The following PKHD1 variants were observed in gnomAD, a reference collection of about 807,000 sequenced individuals.
PKHD1 encodes fibrocystin.
A neutral mutation model predicts 412.0 loss-of-function variants in PKHD1; 291 were observed. The ratio of observed to expected loss-of-function variants is 0.71; its 90% CI spans 0.64 to 0.78. The LOEUF is 0.78. Ranked by LOEUF, PKHD1 falls within the 30% of genes least tolerant of loss-of-function variation. The pLI, the probability that PKHD1 is intolerant of heterozygous loss-of-function variation, is 0.00. For synonymous variants in PKHD1, 1,777 were observed against 1,821.5 expected, an observed-to-expected ratio of 0.98 and a Z score of 0.62; for missense variants, 4,825 against 4,950.7, an observed-to-expected ratio of 0.97 and a Z score of 0.76.
At chr6:51,898,894 G>A (rs1393214550) in intron 43 of PKHD1, among the ~76,000 whole-genome samples, 2 of 152,076 alleles carry the variant, frequency 1.3e-5, no homozygotes, top group Non-Finnish European at 2.9e-5. Context: ...ACACCTCTAC[G>A]CAAATAAACT....
chr6:51,840,654 A>G (rs1056777780), intron 50 of PKHD1, among the ~76,000 whole-genome samples: 5 of 152,216 alleles, frequency 3.3e-5, no homozygotes, highest in Non-Finnish European at 5.9e-5. Context: ...CTGTTTACAC[A>G]GGAGGCAAAA....
At chr6:52,016,548 G>A (rs757193469) in intron 34 of PKHD1, among the ~76,000 whole-genome samples, 8 of 149,220 alleles carry the variant, frequency 5.4e-5, no homozygotes, top group Non-Finnish European at 1.0e-4. Context: ...AGGCATGAGA[G>A]TACCTTGAAC....
intron 52 of PKHD1, among the ~76,000 whole-genome samples, chr6:51,793,233 C>T (rs1222675061): frequency 6.6e-6 from 1 of 152,056 alleles, no homozygotes; most frequent in African/African-American, 2.4e-5. Context: ...GAGTGAAGTA[C>T]CTAGAGAATG....
intron 49 of PKHD1, among the ~76,000 whole-genome samples, chr6:51,854,084 A>G (rs1374719628): frequency 1.3e-5 from 2 of 151,468 alleles, no homozygotes; most frequent in East Asian, 3.9e-4. Flanking sequence ...GAGGCTGTTG[A>G]CCCTTGGATA....
At chr6:51,716,103 C>G (rs1781227088) in intron 60 of PKHD1, among the ~76,000 whole-genome samples, 1 of 152,160 alleles carries the variant, frequency 6.6e-6, no homozygotes, top group Admixed American at 6.5e-5. Flanking sequence ...ATTATTTCTG[C>G]AGTTCTTTTG....
Position 51,659,218 on chromosome 6 carries a change from T to C in PKHD1, c.10908A>G (p.Gln3636=), listed in dbSNP as rs1405895966. 1.9e-6 allele frequency: 3 copies of C among 1,613,872 alleles called. No individual in the cohort carries two copies. The highest frequency in any genetic ancestry group is 2.2e-5 in the South Asian group (2 of 91,084). Residue 3636 remains glutamine, a synonymous_variant, in exon 61 of 67, where the codon CAA becomes CAG. Coordinates refer to ENST00000371117, the MANE Select transcript of PKHD1 (RefSeq NM_138694.4). ...TCATTTCCATCATGAGAGGCCTACG[T>C]TGACCAACTCTTCTATAATGACTAG... is the stretch of plus-strand genomic sequence containing the variant. The part of the protein sequence containing the change: ...TCTSHYRRVG[Q]RRPLMMEMNS...
chr6:51,711,044 TC>T (rs1780600061), intron 60 of PKHD1, among the ~76,000 whole-genome samples: 1 of 152,204 alleles, frequency 6.6e-6, no homozygotes, highest in African/African-American at 2.4e-5. Context: ...GCTAACAGTG[TC>T]CTGCCTTCTG....
intron 43 of PKHD1, among the ~76,000 whole-genome samples, chr6:51,895,875 G>A (rs956698337): frequency 6.6e-6 from 1 of 152,140 alleles, no homozygotes; most frequent in African/African-American, 2.4e-5. Flanking sequence ...GGGTCAGGGA[G>A]TTCCCTTTCC....
chr6:52,076,363 A>G, intron 5 of PKHD1, 30 bp from the exon 6 acceptor site: 1 of 1,561,840 alleles, frequency 6.4e-7, no homozygotes, highest in Non-Finnish European at 8.8e-7. Flanking sequence ...ACAAGTGAGC[A>G]TGTCATTAAA....
chr6:51,940,108 G>C (rs190643514), intron 36 of PKHD1, among the ~76,000 whole-genome samples: 1 of 151,558 alleles, frequency 6.6e-6, no homozygotes, highest in East Asian at 1.9e-4. Flanking sequence ...TTCATGGTTC[G>C]TTCAGCAGCA....
At chr6:51,859,843 C>T (rs1773907966) in intron 48 of PKHD1, among the ~76,000 whole-genome samples, 1 of 152,186 alleles carries the variant, frequency 6.6e-6, no homozygotes, top group South Asian at 2.1e-4. Context: ...TAAATGCTAG[C>T]AATAATTTGG....
intron 52 of PKHD1, among the ~76,000 whole-genome samples, chr6:51,798,778 T>C (rs1794976614): frequency 6.6e-6 from 1 of 152,190 alleles, no homozygotes; most frequent in Admixed American, 6.5e-5. Context: ...TTGGTTTATA[T>C]CTGTTCCAAC....
intron 46 of PKHD1, among the ~76,000 whole-genome samples, chr6:51,872,788 G>A (rs1174792682): frequency 6.6e-6 from 1 of 150,568 alleles, no homozygotes; most frequent in East Asian, 2.0e-4. Context: ...AATGCAAAAT[G>A]AACTTCAACC....
intron 60 of PKHD1, among the ~76,000 whole-genome samples, chr6:51,736,817 G>A (rs1783912442): frequency 6.6e-6 from 1 of 151,824 alleles, no homozygotes; most frequent in South Asian, 2.1e-4. Context: ...TCATTCTCAG[G>A]ATAAATGGGA....
intron 60 of PKHD1, among the ~76,000 whole-genome samples, chr6:51,736,707 A>T (rs1005358494): frequency 2.0e-5 from 3 of 152,158 alleles, no homozygotes; most frequent in African/African-American, 7.2e-5. Context: ...GCAAGCACAG[A>T]TATTGGCAGA....
intron 60 of PKHD1, among the ~76,000 whole-genome samples, chr6:51,684,253 C>T (rs1300326794): frequency 6.6e-6 from 1 of 152,180 alleles, no homozygotes; most frequent in East Asian, 1.9e-4. Context: ...CCTGAGTCAC[C>T]ACCAGGAGGG....
At chr6:52,083,768 T>C (rs1433635792) in intron 2 of PKHD1, among the ~76,000 whole-genome samples, 2 of 152,048 alleles carry the variant, frequency 1.3e-5, no homozygotes, top group Non-Finnish European at 1.5e-5. Context: ...TTCCTTTTAA[T>C]GGCAAAACCG....
intron 43 of PKHD1, 114 bp downstream of exon 43, chr6:51,903,483 G>A (rs544510959): frequency 1.2e-6 from 1 of 850,478 alleles, no homozygotes; most frequent in Admixed American, 1.7e-5. Context: ...TTCTTCCAAT[G>A]GCAATTATTC....
At chr6:51,861,957 TGAGAACAC>T (rs1418894374) in intron 48 of PKHD1, among the ~76,000 whole-genome samples, 2 of 152,204 alleles carry the variant, frequency 1.3e-5, no homozygotes, top group African/African-American at 4.8e-5. Context: ...AATGGCTATT[TGAGAACAC>T]GAGAACACTG....
Sources: gnomAD v4.1 joint callset for allele counts (sites outside exome capture counted in the v4.1 genomes callset) on GRCh38, gnomAD v4.1.1 for gene constraint, MANE v1.5 for transcripts, NCBI Gene and HGNC (gene_info 2026-07-23, HGNC 2026-07-21) for gene names.